The following SND1 variants were observed in gnomAD, a reference collection of about 807,000 sequenced individuals.
SND1 encodes the protein staphylococcal nuclease domain-containing protein 1.
Under a neutral mutation model 121.7 loss-of-function variants are expected in SND1, and 38 were observed. The ratio of observed to expected loss-of-function variants is 0.31; its 90% confidence interval spans 0.24 to 0.41. The LOEUF (loss-of-function observed/expected upper bound fraction) is 0.41. Ranked by LOEUF, SND1 falls within the 10% of genes least tolerant of loss-of-function variation. SND1 has a pLI of 1.00. For synonymous variants in SND1, 401 were observed against 447.4 expected (o/e 0.90, Z 1.31); for missense variants, 868 against 1,184.6 (o/e 0.73, Z 3.92).
chr7:128,047,541 A>T (rs1584760634), intron 16 of SND1, among the ~76,000 whole-genome samples: 1 of 152,274 alleles, frequency 6.6e-6, no homozygotes. Flanking sequence ...AATCTTAAAA[A>T]TAAACACATA....
At chr7:127,801,329 A>G (rs1166103313) in intron 10 of SND1, among the ~76,000 whole-genome samples, 1 of 152,218 alleles carries the variant, frequency 6.6e-6, no homozygotes, top group Non-Finnish European at 1.5e-5. Flanking sequence ...TTATCAAGTT[A>G]TACTTTTTTG....
At chr7:127,749,566 T>TA (rs2116453275) in intron 10 of SND1, among the ~76,000 whole-genome samples, 1 of 152,280 alleles carries the variant, frequency 6.6e-6, no homozygotes, top group Non-Finnish European at 1.5e-5. Flanking sequence ...AAGGAAAAGA[T>TA]ACAAGAACGT....
chr7:128,086,322 T>G (rs539693096), intron 20 of SND1: 2 of 170,740 alleles, frequency 1.2e-5, no homozygotes, highest in African/African-American at 4.8e-5. Context: ...AAACTGTCAT[T>G]CAGGAGGGTG....
rs146362074 is a variant in SND1, at chr7:127,783,971, T to TTA, written c.1153-23512_1153-23511dup. On this transcript the variant is annotated intron_variant, in intron 10 of 23. Coordinates refer to ENST00000354725, the MANE Select transcript of SND1 (RefSeq NM_014390.4). ...CCTTGAGTTCTTAGATATTCATGGA[T>TTA]TAATGTTACCACATCTAATGGATAT... Among the ~76,000 whole-genome samples, 20 of 152,358 alleles carry TTA rather than the reference T, an allele frequency of 1.3e-4. No homozygotes were observed. In the East Asian group the frequency reaches 3.9e-3, roughly 29 times the overall value.
At chr7:127,897,942 G>C (rs112809477) in intron 13 of SND1, among the ~76,000 whole-genome samples, 8 of 152,080 alleles carry the variant, frequency 5.3e-5, no homozygotes, top group African/African-American at 1.9e-4. Flanking sequence ...CATTGAGGCA[G>C]TTTTGAGTAA....
chr7:128,045,596 G>A (rs1792931566), intron 16 of SND1, among the ~76,000 whole-genome samples: 2 of 152,312 alleles, frequency 1.3e-5, no homozygotes, highest in South Asian at 4.1e-4. Context: ...GGTCACTTTA[G>A]GCTATATGTG....
intron 2 of SND1, 48 bp from the exon 3 acceptor site, chr7:127,694,780 A>C: frequency 6.2e-7 from 1 of 1,604,100 alleles, no homozygotes; most frequent in Non-Finnish European, 8.5e-7. Context: ...GCTGATTGGC[A>C]TCTGAAACTA....
chr7:127,763,798 A>G (rs1797353631), intron 10 of SND1, among the ~76,000 whole-genome samples: 1 of 152,112 alleles, frequency 6.6e-6, no homozygotes, highest in Non-Finnish European at 1.5e-5. Context: ...AGTATTCTAG[A>G]AAAGCGTAGG....
chr7:127,728,880 C>G (rs771596537), intron 10 of SND1, among the ~76,000 whole-genome samples: 1 of 152,174 alleles, frequency 6.6e-6, no homozygotes, highest in African/African-American at 2.4e-5. Flanking sequence ...GTGCTGGTAT[C>G]TAACTATCTC....
chr7:127,767,056 A>C (rs1201462617), intron 10 of SND1, among the ~76,000 whole-genome samples: 1 of 152,050 alleles, frequency 6.6e-6, no homozygotes, highest in Non-Finnish European at 1.5e-5. Context: ...ATGGGAAGAG[A>C]GAGAGATATA....
intron 16 of SND1, among the ~76,000 whole-genome samples, chr7:128,019,514 A>G (rs1471342101): frequency 6.6e-6 from 1 of 152,168 alleles, no homozygotes; most frequent in Non-Finnish European, 1.5e-5. Flanking sequence ...GCCGCTCCTT[A>G]ATGGATGGAA....
chr7:128,077,109 G>A (rs113862865), intron 17 of SND1, among the ~76,000 whole-genome samples: 7 of 152,322 alleles, frequency 4.6e-5, no homozygotes, highest in Non-Finnish European at 8.8e-5. Context: ...ATTGGCCATC[G>A]ATTGGCTTTT....
At chr7:128,001,063 T>C (rs961932281) in intron 16 of SND1, among the ~76,000 whole-genome samples, 2 of 152,200 alleles carry the variant, frequency 1.3e-5, no homozygotes, top group African/African-American at 4.8e-5. Flanking sequence ...CCTGGCTTTA[T>C]TGATGAACTT....
intron 13 of SND1, among the ~76,000 whole-genome samples, chr7:127,900,670 G>A (rs1421377159): frequency 6.6e-6 from 1 of 152,206 alleles, no homozygotes; most frequent in Admixed American, 6.5e-5. Flanking sequence ...TTCCCACACT[G>A]TAGTACCATA....
At chr7:127,662,872 G>A (rs938515045) in intron 1 of SND1, among the ~76,000 whole-genome samples, 9 of 150,058 alleles carry the variant, frequency 6.0e-5, no homozygotes, top group East Asian at 1.9e-4. Context: ...CACATAACCC[G>A]TGCACAACCT....
chr7:127,754,059 T>C (rs1326484711), intron 10 of SND1, among the ~76,000 whole-genome samples: 2 of 152,220 alleles, frequency 1.3e-5, no homozygotes, highest in African/African-American at 2.4e-5. Context: ...GGAACTAGCA[T>C]CCTGATAGCA....
chr7:127,983,387 G>A (rs1802311543), intron 15 of SND1, among the ~76,000 whole-genome samples: 1 of 152,148 alleles, frequency 6.6e-6, no homozygotes, highest in South Asian at 2.1e-4. Context: ...TCTATAGAAA[G>A]GAGAGGTGTC....
chr7:128,066,656 T>C (rs1269382526), intron 16 of SND1, among the ~76,000 whole-genome samples: 1 of 152,172 alleles, frequency 6.6e-6, no homozygotes, highest in Non-Finnish European at 1.5e-5. Context: ...CTGAAAGAAG[T>C]CGGTGTGGCT....
At chr7:127,817,928 G>A (rs1428866631) in intron 11 of SND1, among the ~76,000 whole-genome samples, 1 of 151,874 alleles carries the variant, frequency 6.6e-6, no homozygotes, top group Non-Finnish European at 1.5e-5. Flanking sequence ...CAGTTCCTAA[G>A]ACTGTGCTTG....
Sources: allele counts gnomAD v4.1 joint callset (sites outside exome capture counted in the v4.1 genomes callset), GRCh38; gene constraint gnomAD v4.1.1; transcripts MANE v1.5; gene names NCBI Gene and HGNC (gene_info 2026-07-23, HGNC 2026-07-21).